The following CFAP47 variants were observed in gnomAD, a reference collection of about 807,000 sequenced individuals.
CFAP47 encodes cilia- and flagella-associated protein 47.
A neutral mutation model predicts 148.1 loss-of-function variants in CFAP47; 29 were observed. That is an observed-to-expected ratio of 0.20 (90% CI 0.15 to 0.27). CFAP47 has a LOEUF of 0.27. CFAP47 is among the 10% of genes least tolerant of loss of function. The pLI, the probability that CFAP47 is intolerant of heterozygous loss-of-function variation, is 1.00. For synonymous variants in CFAP47, 664 were observed against 577.3 expected (o/e 1.15, Z -2.15); for missense variants, 1,872 against 1,697.5 (o/e 1.10, Z -1.81).
intron 35 of CFAP47, among the ~76,000 whole-genome samples, chrX:36,140,331 A>G (rs1939117975): frequency 8.9e-6 from 1 of 111,991 alleles, no homozygotes; most frequent in African/African-American, 3.2e-5. Flanking sequence ...GTAGGAGTTC[A>G]TAAGAAATTT....
At chrX:36,356,926 A>G (rs782164301) in intron 60 of CFAP47, among the ~76,000 whole-genome samples, 18 of 112,460 alleles carry the variant, frequency 1.6e-4, no homozygotes, top group Non-Finnish European at 3.0e-4. Flanking sequence ...AGCTTTATTA[A>G]TTATACAAAT....
chrX:35,953,237 C>T (rs1004532880), intron 6 of CFAP47, among the ~76,000 whole-genome samples: 1 of 112,136 alleles, frequency 8.9e-6, no homozygotes, highest in Non-Finnish European at 1.9e-5. Flanking sequence ...GTAAGATGGA[C>T]TATTGTAAAG....
intron 61 of CFAP47, among the ~76,000 whole-genome samples, chrX:36,363,904 G>GT (rs1941849103): frequency 9.0e-6 from 1 of 111,596 alleles, no homozygotes; most frequent in Non-Finnish European, 1.9e-5. Context: ...GAGAACAATG[G>GT]TTAAGAGTGT....
chrX:35,963,682 A>G (rs1936363854), intron 8 of CFAP47, among the ~76,000 whole-genome samples: 1 of 111,384 alleles, frequency 9.0e-6, no homozygotes, highest in Non-Finnish European at 1.9e-5. Flanking sequence ...TACTAAATAG[A>G]TATTTTGTAA....
chrX:36,130,498 C>T (rs1399593644), intron 33 of CFAP47, among the ~76,000 whole-genome samples: 1 of 110,999 alleles, frequency 9.0e-6, no homozygotes, highest in African/African-American at 3.3e-5. Context: ...AGTACAATCA[C>T]TATAGAGAAC....
chrX:36,271,931 A>C (rs1203208377), intron 49 of CFAP47, among the ~76,000 whole-genome samples: 1 of 112,140 alleles, frequency 8.9e-6, no homozygotes, highest in Admixed American at 9.5e-5. Flanking sequence ...TGAAGTTCAC[A>C]GTGGCAGGCA....
chrX:35,955,421 T>C (rs754737108), intron 7 of CFAP47, among the ~76,000 whole-genome samples: 9 of 112,163 alleles, frequency 8.0e-5, no homozygotes, highest in Non-Finnish European at 1.3e-4. Flanking sequence ...TCTACTCTTC[T>C]CCTCCAGCCA....
chrX:36,375,561 C>T (rs1942015040), intron 62 of CFAP47, among the ~76,000 whole-genome samples: 1 of 112,008 alleles, frequency 8.9e-6, no homozygotes, highest in Non-Finnish European at 1.9e-5. Context: ...TAGTTCAAAT[C>T]CAATGTTTGT....
Position 36,237,887 on chromosome X carries a change from G to C in CFAP47, c.7332+1028G>C, listed in dbSNP as rs782348583. On this transcript the variant is annotated intron_variant, in intron 48 of 63. Transcript: ENST00000378653. ...TGTAACCCTGATAAATATGTGCCTT[G>C]GTTTTCCTCTTCTTTTTTTTTGCTA... Among the ~76,000 whole-genome samples the C allele has an allele frequency of 3.6e-5, 4 of 110,420 alleles. No homozygotes were observed. In the South Asian group the frequency reaches 1.5e-3, roughly 42 times the overall value.
In CFAP47 at chrX:36,047,035, C is replaced by G. The variant is rs1416679090; in HGVS notation, c.4189C>G (p.Leu1397Val). 1 of 1,159,587 alleles carries G rather than the reference C, an allele frequency of 8.6e-7. No homozygotes were observed. Among genetic ancestry groups the G allele is most frequent in the Admixed American group, 2.6e-5 (1 of 38,624 alleles). Residue 1397 changes from leucine (L) to valine (V), a missense_variant, in exon 26 of 64, where the codon CTT (leucine) becomes GTT (valine). Transcript: ENST00000378653. Reference protein sequence around the residue: ...SSKPVSFFTNLLFCDDRKNWF... With the variant: ...SSKPVSFFTNVLFCDDRKNWF... ...TAAACCTGTGTCATTTTTTACCAAT[C>G]TTCTTTTCTGTGATGACAGAAAAAA... is the stretch of plus-strand genomic sequence containing the variant.
intron 59 of CFAP47, 81 bp downstream of exon 59, chrX:36,350,213 G>T (rs1556017270): frequency 1.5e-6 from 1 of 649,390 alleles, no homozygotes; most frequent in Non-Finnish European, 2.4e-6. Context: ...TTTGTTTGAA[G>T]TCCAGAGAAA....
At chrX:36,326,650 G>A (rs945507899) in intron 57 of CFAP47, among the ~76,000 whole-genome samples, 24 of 111,752 alleles carry the variant, frequency 2.1e-4, no homozygotes, top group African/African-American at 6.8e-4. Context: ...AGAGATTTGC[G>A]GAACTTTGAA....
chrX:36,122,989 T>A (rs1362620141), intron 33 of CFAP47, among the ~76,000 whole-genome samples: 3 of 112,059 alleles, frequency 2.7e-5, no homozygotes, highest in Non-Finnish European at 5.6e-5. Flanking sequence ...CAATGTCATG[T>A]TCTAAGCTGT....
intron 30 of CFAP47, 34 bp from the exon 31 acceptor site, chrX:36,098,759 T>C: frequency 1.3e-6 from 1 of 750,858 alleles, no homozygotes; most frequent in Non-Finnish European, 2.0e-6. Flanking sequence ...ATGTATATTA[T>C]ATTATAATTT....
chrX:36,280,700 AATAG>A (rs1179992569), intron 50 of CFAP47, 70 bp downstream of exon 50: 84 of 406,653 alleles, frequency 2.1e-4, no homozygotes, highest in African/African-American at 1.9e-3. Flanking sequence ...TTTTGAATGA[AATAG>A]ATAGTTTACA....
intron 61 of CFAP47, among the ~76,000 whole-genome samples, chrX:36,362,916 G>T (rs1941841241): frequency 9.0e-6 from 1 of 111,370 alleles, no homozygotes; most frequent in African/African-American, 3.3e-5. Flanking sequence ...TTCTATGTTT[G>T]TTAATTTTTT....
intron 26 of CFAP47, among the ~76,000 whole-genome samples, chrX:36,060,415 G>A (rs1209233884): frequency 9.0e-6 from 1 of 111,343 alleles, no homozygotes; most frequent in Non-Finnish European, 1.9e-5. Context: ...ATTTAAAATT[G>A]TGCAAATAGA....
intron 25 of CFAP47, among the ~76,000 whole-genome samples, chrX:36,042,017 A>G (rs1486173196): frequency 2.7e-5 from 3 of 110,569 alleles, no homozygotes; most frequent in Non-Finnish European, 5.7e-5. Flanking sequence ...AGGCTTGTCT[A>G]TCATCAAAAA....
At chrX:36,235,891 A>C (rs1555994460) in intron 46 of CFAP47, 43 bp from the exon 47 acceptor site, 6 of 427,138 alleles carry the variant, frequency 1.4e-5, no homozygotes, top group African/African-American at 7.5e-5. Context: ...CAATTTCATC[A>C]ATATCATCTC....
Sources: gnomAD v4.1 joint callset for allele counts (sites outside exome capture counted in the v4.1 genomes callset) on GRCh38, gnomAD v4.1.1 for gene constraint, MANE v1.5 for transcripts, NCBI Gene and HGNC (gene_info 2026-07-23, HGNC 2026-07-21) for gene names.